SPAG16: variants seen among roughly 807,000 people sequenced by gnomAD.
The protein encoded by SPAG16 is sperm associated antigen 16.
A neutral mutation model predicts 80.4 loss-of-function variants in SPAG16; 86 were observed. The ratio of observed to expected loss-of-function variants is 1.07; its 90% CI spans 0.90 to 1.28. The LOEUF (loss-of-function observed/expected upper bound fraction) is 1.28. Among genes scored for constraint, SPAG16 ranks in the 50% most tolerant of loss-of-function variants. SPAG16 has a pLI of 0.00. For missense variants in SPAG16, 870 were observed against 765.3 expected (o/e 1.14, Z -1.61); for synonymous variants, 294 against 265.9 (o/e 1.11, Z -1.03).
chr2:214,341,253 T>C (rs987522404), intron 15 of SPAG16, among the ~76,000 whole-genome samples: 1 of 151,912 alleles, frequency 6.6e-6, no homozygotes, highest in African/African-American at 2.4e-5. Flanking sequence ...GGATGGAAAA[T>C]ACAAAAGACA....
chr2:213,807,904 C>T (rs2071870518), intron 10 of SPAG16, among the ~76,000 whole-genome samples: 1 of 152,180 alleles, frequency 6.6e-6, no homozygotes, highest in South Asian at 2.1e-4. Context: ...TTAAATATGA[C>T]TGTGATGTAT....
chr2:214,041,182 A>G (rs1421669525), intron 13 of SPAG16, among the ~76,000 whole-genome samples: 1 of 144,998 alleles, frequency 6.9e-6, no homozygotes, highest in Non-Finnish European at 1.5e-5. Flanking sequence ...TTCTCTTTTT[A>G]GTGTTTGAAT....
chr2:214,061,611 C>T (rs1226118427), intron 13 of SPAG16, among the ~76,000 whole-genome samples: 1 of 152,100 alleles, frequency 6.6e-6, no homozygotes, highest in Non-Finnish European at 1.5e-5. Context: ...GGATGTGACC[C>T]ACCTGCATTA....
At chr2:214,069,562 C>T (rs2050689125) in intron 13 of SPAG16, among the ~76,000 whole-genome samples, 2 of 152,094 alleles carry the variant, frequency 1.3e-5, no homozygotes, top group Admixed American at 1.3e-4. Context: ...GTCACTAGTT[C>T]CCATCCAATT....
chr2:214,099,655 AT>A lies in SPAG16; in HGVS notation c.1528-8538del, dbSNP rs2052855186. ...GTCCATGAAATATACAACAAACATG[AT>A]TTATGGTAGTTGCCTCTGGAGGTGG... is the stretch of plus-strand genomic sequence containing the variant. On this transcript the variant is annotated intron_variant, in intron 13 of 15. Transcript: ENST00000331683. Among the ~76,000 whole-genome samples, 2 of 152,080 alleles carry A rather than the reference AT, an allele frequency of 1.3e-5. 1 individual carries two copies. The highest frequency in any genetic ancestry group is 2.9e-5 in the Non-Finnish European group (2 of 68,002).
chr2:213,853,194 AAGGGT>A (rs1457191388), intron 10 of SPAG16, among the ~76,000 whole-genome samples: 1 of 152,230 alleles, frequency 6.6e-6, no homozygotes, highest in Non-Finnish European at 1.5e-5. Flanking sequence ...AAGGGAAGAC[AAGGGT>A]ATCTAATTAG....
intron 12 of SPAG16, among the ~76,000 whole-genome samples, chr2:213,949,808 T>C (rs1291422604): frequency 6.6e-6 from 1 of 152,228 alleles, no homozygotes; most frequent in Non-Finnish European, 1.5e-5. Context: ...ACCTACATGC[T>C]GGTAAGGAAT....
intron 9 of SPAG16, among the ~76,000 whole-genome samples, chr2:213,445,309 A>G (rs187219024): frequency 1.9e-3 from 291 of 152,352 alleles, no homozygotes; most frequent in African/African-American, 6.6e-3. Context: ...GTTCAATAGA[A>G]AAAACCTCAA....
chr2:213,369,678 C>G (rs2066524497), intron 8 of SPAG16, among the ~76,000 whole-genome samples: 1 of 152,042 alleles, frequency 6.6e-6, no homozygotes, highest in South Asian at 2.1e-4. Context: ...AGGACCTGGT[C>G]ACTGCCTCTG....
At chr2:213,376,063 CT>C (rs899578333) in intron 9 of SPAG16, among the ~76,000 whole-genome samples, 1 of 150,954 alleles carries the variant, frequency 6.6e-6, no homozygotes, top group Non-Finnish European at 1.5e-5. Flanking sequence ...AAACTAATCA[CT>C]TTTTTGTTAT....
At chr2:213,889,085 C>T (rs549420709) in intron 11 of SPAG16, among the ~76,000 whole-genome samples, 2 of 151,960 alleles carry the variant, frequency 1.3e-5, no homozygotes, top group South Asian at 2.1e-4. Flanking sequence ...TTGCATTAAA[C>T]ATTTCATAAG....
chr2:213,357,901 T>A (rs952202094), intron 7 of SPAG16, among the ~76,000 whole-genome samples: 13 of 152,242 alleles, frequency 8.5e-5, no homozygotes, highest in African/African-American at 3.1e-4. Context: ...GTACTGGTTG[T>A]TCCTTTCCAT....
At chr2:214,173,312 A>G (rs540497657) in intron 15 of SPAG16, among the ~76,000 whole-genome samples, 16 of 152,246 alleles carry the variant, frequency 1.1e-4, no homozygotes, top group African/African-American at 3.8e-4. Flanking sequence ...AGCTTTCTAC[A>G]TATGGCTAGC....
intron 10 of SPAG16, among the ~76,000 whole-genome samples, chr2:213,704,568 A>G (rs1574877403): frequency 6.6e-6 from 1 of 152,188 alleles, no homozygotes; most frequent in Admixed American, 6.5e-5. Flanking sequence ...GGCACCCCAC[A>G]AATGTTAACC....
At chr2:214,000,725 A>G (rs2124872480) in intron 12 of SPAG16, among the ~76,000 whole-genome samples, 1 of 152,306 alleles carries the variant, frequency 6.6e-6, no homozygotes, top group Middle Eastern at 3.4e-3. Flanking sequence ...GGATAATGTG[A>G]TAGTGATGTG....
intron 12 of SPAG16, among the ~76,000 whole-genome samples, chr2:213,967,848 A>T (rs2044786031): frequency 6.6e-6 from 1 of 152,168 alleles, no homozygotes; most frequent in African/African-American, 2.4e-5. Context: ...ATTTAGGCCA[A>T]TTTTATGGGA....
chr2:213,426,468 C>T (rs1287095171), intron 9 of SPAG16, among the ~76,000 whole-genome samples: 3 of 151,574 alleles, frequency 2.0e-5, no homozygotes, highest in Admixed American at 2.0e-4. Flanking sequence ...AGCTTGCAAT[C>T]TAATGATTCT....
At chr2:214,068,911 T>G (rs954873583) in intron 13 of SPAG16, among the ~76,000 whole-genome samples, 1 of 152,090 alleles carries the variant, frequency 6.6e-6, no homozygotes, top group Non-Finnish European at 1.5e-5. Flanking sequence ...TACAGAAGAA[T>G]AATACTTTAT....
chr2:213,438,028 G>T (rs986806125), intron 9 of SPAG16, among the ~76,000 whole-genome samples: 7 of 152,192 alleles, frequency 4.6e-5, no homozygotes, highest in Non-Finnish European at 1.0e-4. Context: ...TTTAGGGATG[G>T]TTGCATCTGA....
Sources: allele counts gnomAD v4.1 joint callset (sites outside exome capture counted in the v4.1 genomes callset), GRCh38; gene constraint gnomAD v4.1.1; transcripts MANE v1.5; gene names NCBI Gene and HGNC (gene_info 2026-07-23, HGNC 2026-07-21).